Variants in THSD7B observed in about 807,000 individuals in gnomAD.
THSD7B encodes thrombospondin type-1 domain-containing protein 7B.
A neutral mutation model predicts 213.6 loss-of-function variants in THSD7B; 138 were observed. The ratio of observed to expected loss-of-function variants is 0.65; its 90% CI spans 0.56 to 0.74. The LOEUF (loss-of-function observed/expected upper bound fraction) is 0.74. Among genes scored for constraint, THSD7B ranks in the 30% least tolerant of loss-of-function variants. The pLI, the probability that THSD7B is intolerant of heterozygous loss-of-function variation, is 0.00. For missense variants in THSD7B, 1,931 were observed against 1,991.5 expected, an observed-to-expected ratio of 0.97 and a Z score of 0.58; for synonymous variants, 742 against 687.0, an observed-to-expected ratio of 1.08 and a Z score of -1.25.
intron 7 of THSD7B, among the ~76,000 whole-genome samples, chr2:137,180,911 C>T (rs984638598): frequency 6.6e-6 from 1 of 152,162 alleles, no homozygotes; most frequent in African/African-American, 2.4e-5. Context: ...ATTGTGCCAA[C>T]TCAGTGGGCT....
At chr2:137,082,575 ATTAATT>A (rs1479071616) in intron 3 of THSD7B, among the ~76,000 whole-genome samples, 2 of 152,242 alleles carry the variant, frequency 1.3e-5, no homozygotes, top group Admixed American at 6.5e-5. Context: ...GGCAGGGGAA[ATTAATT>A]TTAGTTTTGG....
Position 136,895,514 on chromosome 2 carries a change from C to CTTTTT in THSD7B, c.139+13219_139+13223dup, listed in dbSNP as rs71301798. Among the ~76,000 whole-genome samples the CTTTTT allele has an allele frequency of 4.7e-4, 35 of 73,920 alleles. 4 individuals carry two copies. The East Asian group carries it at 0.011, about 23-fold the overall frequency. The allele number at this position is 73,920 out of a possible 152,430, so 48.5% of individuals were successfully genotyped here. A position where few individuals can be genotyped will look rare whatever the true frequency, so the allele number is the denominator to read the frequency against. ...ACCAATGTTTTATGCCAAGTGGAGACTTTTTTTTTTTTTTTTTTTTTTTTT... is the reference window on the plus strand; with the variant it reads ...ACCAATGTTTTATGCCAAGTGGAGACTTTTTTTTTTTTTTTTTTTTTTTTTTTTTT... On this transcript the variant is annotated intron_variant, in intron 2 of 27. Coordinates refer to ENST00000409968, the MANE Select transcript of THSD7B (RefSeq NM_001316349.2).
intron 15 of THSD7B, among the ~76,000 whole-genome samples, chr2:137,464,912 G>A (rs1339249996): frequency 6.6e-6 from 1 of 151,994 alleles, no homozygotes; most frequent in East Asian, 1.9e-4. Flanking sequence ...GAGTAAAATA[G>A]GTGTATAATC....
At chr2:136,832,492 C>A (rs1300136874) in intron 1 of THSD7B, among the ~76,000 whole-genome samples, 8 of 152,162 alleles carry the variant, frequency 5.3e-5, no homozygotes, top group African/African-American at 1.9e-4. Context: ...TGCCCACCCA[C>A]ATTGCAGAAG....
chr2:137,048,526 A>C (rs1445604450), intron 2 of THSD7B, among the ~76,000 whole-genome samples: 1 of 152,162 alleles, frequency 6.6e-6, no homozygotes, highest in Non-Finnish European at 1.5e-5. Context: ...AGTTAGGGAA[A>C]ATATTGTCTT....
At chr2:137,418,702 C>T (rs1023218163) in intron 14 of THSD7B, among the ~76,000 whole-genome samples, 2 of 151,506 alleles carry the variant, frequency 1.3e-5, no homozygotes, top group Non-Finnish European at 2.9e-5. Context: ...CCTATTTTTT[C>T]TAGGCTCTGG....
intron 13 of THSD7B, among the ~76,000 whole-genome samples, chr2:137,411,289 T>C (rs1233586929): frequency 1.3e-5 from 2 of 152,228 alleles, no homozygotes; most frequent in Non-Finnish European, 2.9e-5. Context: ...GTTATCAGTA[T>C]GTTTTTTCCA....
intron 1 of THSD7B, 22 bp from the exon 2 acceptor site, chr2:136,882,122 G>C: frequency 7.0e-7 from 1 of 1,419,896 alleles, no homozygotes; most frequent in Non-Finnish European, 9.2e-7. Context: ...AAACTTACCT[G>C]ATTTTTCTTT....
chr2:137,459,192 T>C (rs1389502804), intron 15 of THSD7B, among the ~76,000 whole-genome samples: 1 of 152,112 alleles, frequency 6.6e-6, no homozygotes, highest in Admixed American at 6.6e-5. Flanking sequence ...AATTTCCTAA[T>C]ATCATTTGAG....
chr2:137,112,283 TA>T (rs869206652), intron 4 of THSD7B, among the ~76,000 whole-genome samples: 2 of 151,974 alleles, frequency 1.3e-5, no homozygotes, highest in Non-Finnish European at 2.9e-5. Context: ...CCCATATTTT[TA>T]AAAAAAGGAA....
chr2:137,605,889 TCA>T (rs1231229923), intron 17 of THSD7B, among the ~76,000 whole-genome samples: 1 of 152,030 alleles, frequency 6.6e-6, no homozygotes, highest in Non-Finnish European at 1.5e-5. Context: ...CAGGATGGTC[TCA>T]GTCTCCTACC....
intron 7 of THSD7B, among the ~76,000 whole-genome samples, chr2:137,223,478 G>A (rs1044256395): frequency 7.2e-5 from 11 of 152,022 alleles, no homozygotes; most frequent in African/African-American, 2.4e-4. Context: ...ATGAAATATC[G>A]AGTTTTACCA....
intron 4 of THSD7B, among the ~76,000 whole-genome samples, chr2:137,101,166 T>C (rs1040236390): frequency 8.5e-5 from 13 of 152,118 alleles, no homozygotes; most frequent in Non-Finnish European, 4.4e-5. Flanking sequence ...GCCTCCCAAG[T>C]AGCTGGGATT....
intron 6 of THSD7B, among the ~76,000 whole-genome samples, chr2:137,163,981 G>T (rs1035577784): frequency 2.6e-5 from 4 of 152,140 alleles, no homozygotes; most frequent in African/African-American, 9.7e-5. Flanking sequence ...TTGGATCAAA[G>T]TACAAGCTCA....
intron 9 of THSD7B, among the ~76,000 whole-genome samples, chr2:137,235,180 C>A (rs1681737698): frequency 6.6e-6 from 1 of 151,964 alleles, no homozygotes; most frequent in Middle Eastern, 3.2e-3. Flanking sequence ...AGGATTGAAG[C>A]CTAGATAATG....
intron 1 of THSD7B, among the ~76,000 whole-genome samples, chr2:136,808,318 G>A (rs921910763): frequency 2.0e-5 from 3 of 152,140 alleles, no homozygotes; most frequent in African/African-American, 7.2e-5. Flanking sequence ...CTCCAGTGAG[G>A]TTATGTCATA....
chr2:137,351,885 G>T (rs76805509), intron 12 of THSD7B, among the ~76,000 whole-genome samples: 1 of 151,892 alleles, frequency 6.6e-6, no homozygotes, highest in African/African-American at 2.4e-5. Context: ...CTTGGGCCAC[G>T]TGCAGCCCAA....
rs142083457 is a variant in THSD7B at position 136,792,248 on chromosome 2, AG to A, written c.-36+26565del. The stretch of plus-strand genomic sequence containing the variant: ...AACTTAAGTGCAAATTGTAAGTGAA[AG>A]GGGCCAATCTGAAAAGGCAACATAA... On this transcript the variant is annotated intron_variant, in intron 1 of 27. Coordinates refer to ENST00000409968, the MANE Select transcript of THSD7B (RefSeq NM_001316349.2). 7.0e-3 allele frequency among the ~76,000 whole-genome samples: 1,072 copies of A among 152,074 alleles called. 12 individuals are homozygous for A. Among genetic ancestry groups the A allele is most frequent in the African/African-American group, 0.025 (1,028 of 41,500 alleles).
chr2:137,401,643 T>C (rs1011464781), intron 12 of THSD7B, among the ~76,000 whole-genome samples: 10 of 151,098 alleles, frequency 6.6e-5, no homozygotes, highest in African/African-American at 1.9e-4. Context: ...TCTTTTTTTT[T>C]TTTTTTTTCT....
Sources: allele counts gnomAD v4.1 joint callset (sites outside exome capture counted in the v4.1 genomes callset), GRCh38; gene constraint gnomAD v4.1.1; transcripts MANE v1.5; gene names NCBI Gene and HGNC (gene_info 2026-07-23, HGNC 2026-07-21).